ACOXL: variants seen among roughly 807,000 people sequenced by gnomAD.
ACOXL encodes the protein acyl-CoA oxidase like, also known as acyl-coenzyme A oxidase-like protein.
In ACOXL, 70 loss-of-function variants were observed where a neutral mutation model predicts 71.9. The ratio of observed to expected loss-of-function variants is 0.97; its 90% CI spans 0.80 to 1.19. The LOEUF (loss-of-function observed/expected upper bound fraction) is 1.19. ACOXL is among the 50% of genes most tolerant of loss of function. The pLI, the probability that ACOXL is intolerant of heterozygous loss-of-function variation, is 0.00. For missense variants in ACOXL, 703 were observed against 736.3 expected, an observed-to-expected ratio of 0.95 and a Z score of 0.52; for synonymous variants, 253 against 281.6, an observed-to-expected ratio of 0.90 and a Z score of 1.02.
intron 2 of ACOXL, among the ~76,000 whole-genome samples, chr2:110,783,138 C>A (rs1683544961): frequency 6.6e-6 from 1 of 152,208 alleles, no homozygotes; most frequent in African/African-American, 2.4e-5. Context: ...TGGGACAAGT[C>A]ATTTGACCTC....
At chr2:110,899,878 T>C (rs1294779396) in intron 10 of ACOXL, among the ~76,000 whole-genome samples, 1 of 152,150 alleles carries the variant, frequency 6.6e-6, no homozygotes, top group Admixed American at 6.5e-5. Context: ...CAGGCTCCTC[T>C]CTAGGGTCGG....
intron 14 of ACOXL, among the ~76,000 whole-genome samples, chr2:111,019,853 C>CTTTCTT (rs1229523147): frequency 9.9e-5 from 15 of 152,218 alleles, no homozygotes; most frequent in Non-Finnish European, 1.6e-4. Context: ...ACTGAATTCA[C>CTTTCTT]TTTCTTTTTC....
At chr2:111,024,486 A>C (rs950375574) in intron 14 of ACOXL, among the ~76,000 whole-genome samples, 3 of 152,156 alleles carry the variant, frequency 2.0e-5, no homozygotes, top group Admixed American at 1.3e-4. Flanking sequence ...CAGAAGAGGA[A>C]AGAAAGAACC....
chr2:110,743,536 A>G (rs754928615), intron 1 of ACOXL, among the ~76,000 whole-genome samples: 1 of 152,178 alleles, frequency 6.6e-6, no homozygotes, highest in Admixed American at 6.5e-5. Context: ...TTGGAAAAAA[A>G]CAAACCCAAG....
At chr2:111,009,080 A>T (rs2064011620) in intron 14 of ACOXL, among the ~76,000 whole-genome samples, 1 of 152,114 alleles carries the variant, frequency 6.6e-6, no homozygotes, top group Non-Finnish European at 1.5e-5. Flanking sequence ...ACTTTTTAAA[A>T]TTTTTTTATA....
chr2:110,837,338 T>A (rs1433317392), intron 9 of ACOXL, among the ~76,000 whole-genome samples: 1 of 152,182 alleles, frequency 6.6e-6, no homozygotes, highest in African/African-American at 2.4e-5. Flanking sequence ...CTTGGTCAAG[T>A]GGGCATTTGG....
At chr2:110,804,753 C>T (rs750720591) in intron 8 of ACOXL, among the ~76,000 whole-genome samples, 15 of 152,024 alleles carry the variant, frequency 9.9e-5, no homozygotes, top group Non-Finnish European at 2.2e-4. Flanking sequence ...TGATATGATT[C>T]CATCTATGTG....
At chr2:111,070,229 A>G (rs537873598) in intron 16 of ACOXL, among the ~76,000 whole-genome samples, 19 of 152,350 alleles carry the variant, frequency 1.2e-4, no homozygotes, top group African/African-American at 4.6e-4. Context: ...TATTCACAAT[A>G]GCAAGGACAT....
intron 9 of ACOXL, among the ~76,000 whole-genome samples, chr2:110,811,727 GCATACACACACACACACACACACACA>G (rs1166248574): frequency 6.8e-5 from 2 of 29,296 alleles, no homozygotes; most frequent in South Asian, 7.9e-4. Flanking sequence ...TGTTTTTTTT[GCATACACACACACACACACACACACA>G]CACACACACA....
intron 11 of ACOXL, among the ~76,000 whole-genome samples, chr2:110,921,736 G>C (rs562067327): frequency 6.6e-6 from 1 of 152,128 alleles, no homozygotes; most frequent in Non-Finnish European, 1.5e-5. Flanking sequence ...TTACTGCTTT[G>C]AGACATTGCT....
At chr2:111,114,729 T>C (rs1340223265) in intron 17 of ACOXL, among the ~76,000 whole-genome samples, 1 of 152,052 alleles carries the variant, frequency 6.6e-6, no homozygotes, top group African/African-American at 2.4e-5. Context: ...ACTGCAAAGC[T>C]TAGTCACTGC....
intron 11 of ACOXL, among the ~76,000 whole-genome samples, chr2:110,927,023 A>T (rs2060296792): frequency 6.6e-6 from 1 of 152,194 alleles, no homozygotes; most frequent in African/African-American, 2.4e-5. Context: ...AAGAGGTTTA[A>T]TTGACTCATA....
At position 110,830,822 on chromosome 2, in the gene ACOXL, C is replaced by T. The variant is rs906982372; in HGVS notation, c.754-10549C>T. Among the ~76,000 whole-genome samples the T allele has an allele frequency of 2.6e-5, 4 of 152,210 alleles. No individual in the cohort carries two copies. The East Asian group carries it at 5.8e-4, about 22-fold the overall frequency. On this transcript the variant is annotated intron_variant, in intron 9 of 17. Transcript: ENST00000439055. ...TGCTGGGATTACAGGCGTGAGCCAC[C>T]GCGCCTGGCCTGGTACAAATTTGTA...
At chr2:111,013,279 C>G (rs1321497725) in intron 14 of ACOXL, among the ~76,000 whole-genome samples, 1 of 152,048 alleles carries the variant, frequency 6.6e-6, no homozygotes, top group Non-Finnish European at 1.5e-5. Context: ...AATCCCAGCA[C>G]TTTGGGAGGC....
intron 16 of ACOXL, among the ~76,000 whole-genome samples, chr2:111,075,678 C>T (rs1280004737): frequency 6.6e-6 from 1 of 151,234 alleles, no homozygotes; most frequent in Non-Finnish European, 1.5e-5. Context: ...TTAGACTTTT[C>T]TTCTTTTCTC....
chr2:110,880,442 A>G (rs1696502078), intron 10 of ACOXL, among the ~76,000 whole-genome samples: 1 of 152,220 alleles, frequency 6.6e-6, no homozygotes, highest in South Asian at 2.1e-4. Flanking sequence ...GCCATTGTTT[A>G]GATAGACCAG....
intron 10 of ACOXL, among the ~76,000 whole-genome samples, chr2:110,843,451 T>C (rs1691429098): frequency 6.6e-6 from 1 of 152,160 alleles, no homozygotes; most frequent in African/African-American, 2.4e-5. Flanking sequence ...TCAGAACAAA[T>C]AGTCTTTAAA....
chr2:110,911,483 A>G (rs1191606691), intron 11 of ACOXL, among the ~76,000 whole-genome samples: 1 of 152,074 alleles, frequency 6.6e-6, no homozygotes, highest in Non-Finnish European at 1.5e-5. Context: ...AATACTAGTA[A>G]ACTTAATCCA....
chr2:110,919,331 T>C (rs2059979072), intron 11 of ACOXL, among the ~76,000 whole-genome samples: 1 of 146,096 alleles, frequency 6.8e-6, no homozygotes, highest in African/African-American at 2.5e-5. Context: ...CCACATGTTC[T>C]CGCTCATAAG....
Sources: allele counts gnomAD v4.1 joint callset (sites outside exome capture counted in the v4.1 genomes callset), GRCh38; gene constraint gnomAD v4.1.1; transcripts MANE v1.5; gene names NCBI Gene and HGNC (gene_info 2026-07-23, HGNC 2026-07-21).